Variants in DFFA observed in about 807,000 individuals in gnomAD.
DFFA encodes DNA fragmentation factor subunit alpha, also known as DFF45.
A neutral mutation model predicts 28.0 loss-of-function variants in DFFA; 14 were observed. The ratio of observed to expected loss-of-function variants is 0.50; its 90% CI spans 0.33 to 0.78. DFFA has a LOEUF of 0.78. Ranked by LOEUF, DFFA falls within the 30% of genes least tolerant of loss-of-function variation. DFFA has a pLI of 0.02. For missense variants in DFFA, 395 were observed against 407.1 expected (o/e 0.97, Z 0.26); for synonymous variants, 158 against 170.3 (o/e 0.93, Z 0.56).
Position 10,472,279 on chromosome 1 carries a change from C to CG in DFFA, c.136+43dup. On this transcript the variant is annotated intron_variant, in intron 1 of 5. Coordinates refer to ENST00000377038, the MANE Select transcript of DFFA (RefSeq NM_004401.3). This position sits in a 1 kb window ranked among gnomAD's most constrained non-coding sequence, Gnocchi z 5.0. Reference sequence around the variant, plus strand: ...CTCGCCCCCGCCGGACGTCCTCACCCGGCCCTGGCTCCCCCACACCCTCGC... The same window carrying CG: ...CTCGCCCCCGCCGGACGTCCTCACCCGGGCCCTGGCTCCCCCACACCCTCGC... The CG allele has an allele frequency of 1.3e-6, 2 of 1,528,544 alleles. No individual in the cohort carries two copies. The highest frequency in any genetic ancestry group is 2.5e-5 in the South Asian group (2 of 81,258). The allele number at this position is 1,528,544 out of a possible 1,614,324, so 94.7% of individuals were successfully genotyped here. A position where few individuals can be genotyped will look rare whatever the true frequency, so the allele number is the denominator to read the frequency against.
At chr1:10,463,361 A>G in intron 4 of DFFA, 70 bp downstream of exon 4, 1 of 1,557,054 alleles carries the variant, frequency 6.4e-7, no homozygotes. Flanking sequence ...CATCACAAAT[A>G]GTGTCCTCCC....
rs1050595699 is a variant in DFFA, at chr1:10,457,674, A to G, written c.*3816T>C. ...GCCTGGGCAACAGAGCAAAGCCTCA[A>G]ACAAAACGAAAACGAAACAAAACAA... On this transcript the variant is annotated 3_prime_UTR_variant, in exon 6 of 6. Coordinates refer to ENST00000377038, the MANE Select transcript of DFFA (RefSeq NM_004401.3). The G allele has an allele frequency of 6.6e-6, 1 of 152,150 alleles. No homozygotes were observed. The highest frequency in any genetic ancestry group is 1.5e-5 in the Non-Finnish European group (1 of 68,078). The allele number at this position is 152,150 out of a possible 1,614,324, so 9.4% of individuals were successfully genotyped here. A position where few individuals can be genotyped will look rare whatever the true frequency, so the allele number is the denominator to read the frequency against.
At chr1:10,465,454 C>T (rs576751033) in intron 3 of DFFA, among the ~76,000 whole-genome samples, 21 of 150,940 alleles carry the variant, frequency 1.4e-4, no homozygotes, top group Non-Finnish European at 2.2e-4. Context: ...TTAGTAGAGA[C>T]GGGATTTCAC....
At chr1:10,471,699 T>C (rs1641100488) in intron 1 of DFFA, among the ~76,000 whole-genome samples, 1 of 152,146 alleles carries the variant, frequency 6.6e-6, no homozygotes, top group South Asian at 2.1e-4. Flanking sequence ...TATATCATCT[T>C]ATTTGAGAGA....
At position 10,472,314 on chromosome 1, in the gene DFFA, C is replaced by G; in HGVS notation, c.136+9G>C. 2 of 1,579,366 alleles carry G rather than the reference C, an allele frequency of 1.3e-6. No homozygotes were observed. The highest frequency in any genetic ancestry group is 1.7e-4 in the Middle Eastern group (1 of 5,930). ...TCCCCCACACCCTCGCCCGGGGTCC[C>G]GAGCCAACCCTTGCTCCTCAGGTCT... On this transcript the variant is annotated intron_variant, in intron 1 of 5. Transcript: ENST00000377038. The surrounding 1 kb of genome is among the most constrained non-coding windows in gnomAD (Gnocchi z 5.0).
intron 3 of DFFA, among the ~76,000 whole-genome samples, chr1:10,465,471 G>A (rs954630826): frequency 2.2e-4 from 33 of 151,626 alleles, no homozygotes; most frequent in Admixed American, 6.6e-4. Context: ...TCACCATCTT[G>A]GCCAAGCTGG....
Position 10,460,262 on chromosome 1 carries a change from C to CT in DFFA, c.*1227dup, listed in dbSNP as rs929808717. 128 of 146,608 alleles carry CT rather than the reference C, an allele frequency of 8.7e-4. No individual in the cohort carries two copies. The highest frequency in any genetic ancestry group is 3.5e-3 in the Middle Eastern group (1 of 286). The allele number at this position is 146,608 out of a possible 1,614,324, so 9.1% of individuals were successfully genotyped here. On this transcript the variant is annotated 3_prime_UTR_variant, in exon 6 of 6. Coordinates refer to ENST00000377038, the MANE Select transcript of DFFA (RefSeq NM_004401.3). ...TCTGTCTCAAAAAAACAAAACAAAA[C>CT]TTTTTTTTTTTCTTGAGATACGGAG...
At position 10,460,196 on chromosome 1, in the gene DFFA, G is replaced by C. The variant is rs1016706506; in HGVS notation, c.*1294C>G. 1 of 151,842 alleles carries C rather than the reference G, an allele frequency of 6.6e-6. No homozygotes were observed. Among genetic ancestry groups the C allele is most frequent in the African/African-American group, 2.4e-5 (1 of 41,360 alleles). 9.4% of individuals were successfully genotyped at this position (151,842 alleles called of 1,614,324 possible). On this transcript the variant is annotated 3_prime_UTR_variant, in exon 6 of 6. Transcript: ENST00000377038. Reference sequence around the variant, plus strand: ...GGAGGTGGGGGTTGCAGTGAGCCGAGAATGTGCCACTGCACTCCAGACTAG... The same window carrying C: ...GGAGGTGGGGGTTGCAGTGAGCCGACAATGTGCCACTGCACTCCAGACTAG...
At chr1:10,462,449 T>C (rs1570102303) in intron 5 of DFFA, 2 of 987,882 alleles carry the variant, frequency 2.0e-6, no homozygotes, top group Middle Eastern at 1.0e-3. Flanking sequence ...GGGCCTTTTC[T>C]TACAACACCA....
intron 4 of DFFA, 62 bp from the exon 5 acceptor site, chr1:10,463,271 TCGCCAGAATAACTGGCC>T: frequency 6.3e-7 from 1 of 1,588,870 alleles, no homozygotes; most frequent in South Asian, 1.1e-5. Context: ...CATGAACAAC[TCGCCAGAATAACTGGCC>T]GGGCAAGAGA....
Position 10,472,257 on chromosome 1 carries a change from GC to G in DFFA, c.136+65del. The G allele has an allele frequency of 6.9e-7, 1 of 1,456,138 alleles. No homozygotes were observed. Among genetic ancestry groups the G allele is most frequent in the Admixed American group, 2.3e-5 (1 of 43,648 alleles). 90.2% of individuals were successfully genotyped at this position (1,456,138 alleles called of 1,614,324 possible). On this transcript the variant is annotated intron_variant, in intron 1 of 5. Transcript: ENST00000377038. This position sits in a 1 kb window ranked among gnomAD's most constrained non-coding sequence, Gnocchi z 5.0. ...AAGTCGCCTCTCCTGACCCCGCCTC[GC>G]CCCCGCCGGACGTCCTCACCCGGCC... is the stretch of plus-strand genomic sequence containing the variant.
At position 10,456,869 on chromosome 1, in the gene DFFA, C is replaced by A. The variant is rs1488044979; in HGVS notation, c.*4621G>T. 1 of 152,210 alleles carries A rather than the reference C, an allele frequency of 6.6e-6. No homozygotes were observed. Among genetic ancestry groups the A allele is most frequent in the Non-Finnish European group, 1.5e-5 (1 of 68,048 alleles). The allele number at this position is 152,210 out of a possible 1,614,324, so 9.4% of individuals were successfully genotyped here. ...AACGGGCATGCCCTGCCCTCTCTCA[C>A]TCCTATTTTTAGACGTATTGCTGCG... On this transcript the variant is annotated 3_prime_UTR_variant, in exon 6 of 6. Coordinates refer to ENST00000377038, the MANE Select transcript of DFFA (RefSeq NM_004401.3).
chr1:10,461,848 A>G, intron 5 of DFFA, 146 bp from the exon 6 acceptor site: 1 of 1,451,946 alleles, frequency 6.9e-7, no homozygotes, highest in Non-Finnish European at 9.1e-7. Flanking sequence ...CTTTACCATT[A>G]ATTGCCACGG....
chr1:10,471,354 C>A (rs1241591627), intron 1 of DFFA, among the ~76,000 whole-genome samples: 1 of 152,162 alleles, frequency 6.6e-6, no homozygotes, highest in Non-Finnish European at 1.5e-5. Flanking sequence ...GGCATGTATG[C>A]GCTGGACTGC....
rs1479140117 is a variant in DFFA, at chr1:10,461,086, A to G, written c.*404T>C. 6.6e-6 allele frequency: 1 copy of G among 150,696 alleles called. No homozygotes were observed. The highest frequency in any genetic ancestry group is 1.4e-5 in the Non-Finnish European group (1 of 69,110). The allele number at this position is 150,696 out of a possible 1,614,324, so 9.3% of individuals were successfully genotyped here. A position where few individuals can be genotyped will look rare whatever the true frequency, so the allele number is the denominator to read the frequency against. On this transcript the variant is annotated 3_prime_UTR_variant, in exon 6 of 6. Coordinates refer to ENST00000377038, the MANE Select transcript of DFFA (RefSeq NM_004401.3). The stretch of plus-strand genomic sequence containing the variant: ...ACCATGGCTGGCTAATTTTTTTTGT[A>G]TTTTTAGTAGAGACAGGGTTTCACC...
rs563645743 is a variant in DFFA, at chr1:10,472,528, A to AC, written c.-71dup. ...GCCGGAGCGGCGGTCCTTCTACTCG[A>AC]CCCCCTTCCGCAGCCTGCCGGGAGA... On this transcript the variant is annotated 5_prime_UTR_variant, in exon 1 of 6. Transcript: ENST00000377038. The surrounding 1 kb of genome is among the most constrained non-coding windows in gnomAD (Gnocchi z 5.0). 108 of 1,488,574 alleles carry AC rather than the reference A, an allele frequency of 7.3e-5. 1 individual carries two copies. In the African/African-American group the frequency reaches 1.4e-3, roughly 20 times the overall value. The allele number at this position is 1,488,574 out of a possible 1,614,324, so 92.2% of individuals were successfully genotyped here. A position where few individuals can be genotyped will look rare whatever the true frequency, so the allele number is the denominator to read the frequency against.
At chr1:10,465,621 G>A (rs899509132) in intron 3 of DFFA, among the ~76,000 whole-genome samples, 1 of 152,050 alleles carries the variant, frequency 6.6e-6, no homozygotes, top group African/African-American at 2.4e-5. Flanking sequence ...TTGATCTCTT[G>A]ACATCGTGAT....
At chr1:10,467,115 T>C (rs2124345512) in intron 3 of DFFA, 75 bp downstream of exon 3, 1 of 1,546,188 alleles carries the variant, frequency 6.5e-7, no homozygotes, top group Non-Finnish European at 8.9e-7. Flanking sequence ...ATGGCAAGTA[T>C]GGAAGCTAAG....
At chr1:10,469,418 G>C in intron 1 of DFFA, 80 bp from the exon 2 acceptor site, 1 of 1,308,942 alleles carries the variant, frequency 7.6e-7, no homozygotes, top group Non-Finnish European at 1.1e-6. Context: ...AGTATGTATG[G>C]CTCCAGAGCT....
Sources: allele counts gnomAD v4.1 joint callset (sites outside exome capture counted in the v4.1 genomes callset), GRCh38; gene constraint gnomAD v4.1.1; non-coding constraint Gnocchi (gnomAD v3.1); transcripts MANE v1.5; gene names NCBI Gene and HGNC (gene_info 2026-07-23, HGNC 2026-07-21).